NCEH1: variants seen among roughly 807,000 people sequenced by gnomAD.
The protein encoded by NCEH1 is 2-acetyl MAGE hydrolase.
A neutral mutation model predicts 25.4 loss-of-function variants in NCEH1; 9 were observed. The ratio of observed to expected loss-of-function variants is 0.35; its 90% CI spans 0.21 to 0.62. The LOEUF (loss-of-function observed/expected upper bound fraction) is 0.62, where lower values mean the gene tolerates loss of function less well. Ranked by LOEUF, NCEH1 falls within the 20% of genes least tolerant of loss-of-function variation. The pLI is 0.72. For missense variants in NCEH1, 412 were observed against 501.1 expected (o/e 0.82, Z 1.70); for synonymous variants, 200 against 199.8 (o/e 1.00, Z -0.01).
intron 1 of NCEH1, among the ~76,000 whole-genome samples, chr3:172,686,358 C>T (rs966018064): frequency 2.0e-5 from 3 of 152,210 alleles, no homozygotes; most frequent in Non-Finnish European, 2.9e-5. Flanking sequence ...ACACCAAATA[C>T]CCAACACTTC....
intron 1 of NCEH1, among the ~76,000 whole-genome samples, chr3:172,699,195 T>G (rs966788700): frequency 6.6e-6 from 1 of 151,972 alleles, no homozygotes; most frequent in East Asian, 1.9e-4. Context: ...TATTGAACGA[T>G]GCGTGGGATA....
chr3:172,658,145 G>T (rs1560188673), intron 1 of NCEH1, among the ~76,000 whole-genome samples: 1 of 152,176 alleles, frequency 6.6e-6, no homozygotes, highest in Non-Finnish European at 1.5e-5. Flanking sequence ...TCAAAACCAA[G>T]ATGGCAATGA....
intron 1 of NCEH1, among the ~76,000 whole-genome samples, chr3:172,668,374 T>TTTTTTTA (rs71180000): frequency 2.2e-5 from 3 of 134,836 alleles, no homozygotes; most frequent in Non-Finnish European, 3.1e-5. Context: ...TTTTTTTTTT[T>TTTTTTTA]GAGAGAGTCT....
intron 1 of NCEH1, among the ~76,000 whole-genome samples, chr3:172,659,925 G>T (rs954260085): frequency 2.0e-5 from 3 of 151,856 alleles, no homozygotes; most frequent in African/African-American, 7.3e-5. Context: ...TTTTTAGGCA[G>T]ATAGAGAGGA....
intron 1 of NCEH1, among the ~76,000 whole-genome samples, chr3:172,666,836 A>G (rs145266054): frequency 6.6e-6 from 1 of 152,302 alleles, no homozygotes; most frequent in East Asian, 1.9e-4. Context: ...TTTACAGCCT[A>G]GAGAAGTAAT....
chr3:172,664,181 C>T (rs920833452), intron 1 of NCEH1, among the ~76,000 whole-genome samples: 2 of 152,148 alleles, frequency 1.3e-5, no homozygotes, highest in African/African-American at 4.8e-5. Context: ...TCAGCATTTG[C>T]TTGTCTGTAA....
Position 172,633,841 on chromosome 3 carries a change from G to A in NCEH1, c.861C>T (p.Asn287=). 3 of 1,614,222 alleles carry A rather than the reference G, an allele frequency of 1.9e-6. No individual in the cohort carries two copies. The highest frequency in any genetic ancestry group is 2.2e-5 in the South Asian group (2 of 91,082). The change falls in exon 5 of 5, where the codon AAC becomes AAT. Residue 287 remains asparagine, a synonymous_variant. Transcript: ENST00000475381. ...EEAAAVRARL[N]WTSLLPASFT... is the part of the protein sequence containing the mutation. Reference sequence around the variant, plus strand: ...AGGATGCAGGCAAGAGGGATGTCCAGTTTAGACGGGCCCTGACAGCAGCAG... The same window carrying A: ...AGGATGCAGGCAAGAGGGATGTCCAATTTAGACGGGCCCTGACAGCAGCAG...
At chr3:172,701,624 T>TC in intron 1 of NCEH1, among the ~76,000 whole-genome samples, 1 of 147,462 alleles carries the variant, frequency 6.8e-6, no homozygotes, top group East Asian at 2.0e-4. Flanking sequence ...TAGTTTTTTT[T>TC]TTTTTTTTTT....
At chr3:172,679,589 G>C (rs58518552) in intron 1 of NCEH1, among the ~76,000 whole-genome samples, 7,402 of 151,002 alleles carry the variant, frequency 0.049, 595 homozygotes, top group African/African-American at 0.17. Context: ...ATAATACAGG[G>C]GTTATTAACA....
At chr3:172,694,605 G>A (rs540275265) in intron 1 of NCEH1, among the ~76,000 whole-genome samples, 1 of 152,234 alleles carries the variant, frequency 6.6e-6, no homozygotes, top group Non-Finnish European at 1.5e-5. Context: ...GACAGGTTAC[G>A]GGTTGAGACT....
intron 1 of NCEH1, among the ~76,000 whole-genome samples, chr3:172,706,969 T>C (rs1714040885): frequency 6.6e-6 from 1 of 152,298 alleles, no homozygotes; most frequent in African/African-American, 2.4e-5. Context: ...AATGTTTCCA[T>C]CTTTATAGCT....
At chr3:172,640,955 C>T (rs765075734) in intron 3 of NCEH1, among the ~76,000 whole-genome samples, 1 of 152,198 alleles carries the variant, frequency 6.6e-6, no homozygotes, top group African/African-American at 2.4e-5. Flanking sequence ...GTGTGAGCCA[C>T]TGCATCCCAC....
At position 172,684,241 on chromosome 3, in the gene NCEH1, G is replaced by A. The variant is rs149709672; in HGVS notation, c.138+26606C>T. On this transcript the variant is annotated intron_variant, in intron 1 of 4. Transcript: ENST00000475381. ...ATGAATATGGAATAAAGGAATGTCC[G>A]TAATCACTTTTAAAAATATACATAT... Among the ~76,000 whole-genome samples, 6 of 152,224 alleles carry A rather than the reference G, an allele frequency of 3.9e-5. No homozygotes were observed. The South Asian group carries it at 8.3e-4, about 21-fold the overall frequency.
intron 1 of NCEH1, among the ~76,000 whole-genome samples, chr3:172,695,947 A>AAAAT (rs914607006): frequency 2.0e-5 from 3 of 152,102 alleles, no homozygotes; most frequent in East Asian, 1.9e-4. Flanking sequence ...CTGTCTCAAA[A>AAAAT]AAATAAATAA....
At chr3:172,637,061 C>T (rs1577050246) in intron 3 of NCEH1, among the ~76,000 whole-genome samples, 1 of 152,136 alleles carries the variant, frequency 6.6e-6, no homozygotes, top group East Asian at 1.9e-4. Flanking sequence ...GTACGTCACT[C>T]ACTGTTCTTA....
At chr3:172,645,483 T>C (rs1717076166) in intron 3 of NCEH1, 140 bp downstream of exon 3, 5 of 519,720 alleles carry the variant, frequency 9.6e-6, no homozygotes, top group Non-Finnish European at 1.7e-5. Context: ...CTGATTATGC[T>C]GAGTGTGACT....
In NCEH1 at chr3:172,648,035, C is replaced by CT. The variant is rs759087510; in HGVS notation, c.217dup (p.Ser73LysfsTer16). ...CTTCACTTGGGCAGAAGACCACGCG[C>CT]TTTTTTTGCCAAAAGAAACAATGAT... On this transcript the variant is annotated frameshift_variant, in exon 2 of 5. Transcript: ENST00000475381. LOFTEE classifies it high-confidence loss of function. The CT allele has an allele frequency of 9.9e-6, 16 of 1,614,076 alleles. No individual in the cohort carries two copies. The highest frequency in any genetic ancestry group is 4.5e-5 in the East Asian group (2 of 44,886).
At chr3:172,669,623 G>A (rs570066958) in intron 1 of NCEH1, among the ~76,000 whole-genome samples, 4 of 152,170 alleles carry the variant, frequency 2.6e-5, no homozygotes, top group South Asian at 4.1e-4. Flanking sequence ...TGCAACCTCC[G>A]CCTCCTGGGT....
At chr3:172,709,930 CCAAT>C (rs1271059420) in intron 1 of NCEH1, among the ~76,000 whole-genome samples, 1 of 152,088 alleles carries the variant, frequency 6.6e-6, no homozygotes, top group African/African-American at 2.4e-5. Flanking sequence ...GAAATACTGT[CCAAT>C]CAGAGGGCTC....
Sources: allele counts gnomAD v4.1 joint callset (sites outside exome capture counted in the v4.1 genomes callset), GRCh38; gene constraint gnomAD v4.1.1; transcripts MANE v1.5; gene names NCBI Gene and HGNC (gene_info 2026-07-23, HGNC 2026-07-21).